Variants in AP1G1 observed in about 807,000 individuals in gnomAD.
AP1G1 encodes AP-1 complex subunit gamma-1.
In AP1G1, 7 loss-of-function variants were observed where a neutral mutation model predicts 108.3. That is an observed-to-expected ratio of 0.06 (90% CI 0.04 to 0.12). The LOEUF (loss-of-function observed/expected upper bound fraction) is 0.12, where lower values mean the gene tolerates loss of function less well. Among genes scored for constraint, AP1G1 ranks in the 10% least tolerant of loss-of-function variants. The pLI is 1.00. For synonymous variants in AP1G1, 379 were observed against 353.5 expected (o/e 1.07, Z -0.81); for missense variants, 756 against 1,010.7 (o/e 0.75, Z 3.42).
rs201999649 is a variant in AP1G1 at position 71,752,797 on chromosome 16, T to TA, written c.1284+1035dup. 6.7e-3 allele frequency among the ~76,000 whole-genome samples: 1,019 copies of TA among 152,296 alleles called. 15 individuals are homozygous for TA. The highest frequency in any genetic ancestry group is 0.022 in the African/African-American group (903 of 41,584). On this transcript the variant is annotated intron_variant, in intron 13 of 22. Coordinates refer to ENST00000299980, the MANE Select transcript of AP1G1 (RefSeq NM_001128.6). The stretch of plus-strand genomic sequence containing the variant: ...TTCTCTATTTTCTAACACTGGGAAT[T>TA]AGATTAAAAAATACGAAATGTGAAA...
intron 13 of AP1G1, among the ~76,000 whole-genome samples, chr16:71,750,653 T>A (rs1049539246): frequency 3.3e-5 from 5 of 151,894 alleles, no homozygotes; most frequent in African/African-American, 1.2e-4. Context: ...TGACCTCAGA[T>A]GATCCACCTG....
chr16:71,762,379 T>TGA (rs1160749584), intron 9 of AP1G1, among the ~76,000 whole-genome samples: 3 of 152,218 alleles, frequency 2.0e-5, no homozygotes, highest in Non-Finnish European at 4.4e-5. Context: ...ATTTCCTGTG[T>TGA]GACAGCATCT....
chr16:71,765,914 C>G (rs1027824157), intron 6 of AP1G1, among the ~76,000 whole-genome samples: 2 of 152,188 alleles, frequency 1.3e-5, no homozygotes, highest in Non-Finnish European at 2.9e-5. Context: ...ATTTCTAGTT[C>G]TGTAGAACTT....
At chr16:71,739,752 A>G (rs1325891453) in intron 19 of AP1G1, among the ~76,000 whole-genome samples, 1 of 151,850 alleles carries the variant, frequency 6.6e-6, no homozygotes, top group Non-Finnish European at 1.5e-5. Context: ...GTCGCAAAAA[A>G]AAAAAAAAAA....
intron 13 of AP1G1, chr16:71,753,618 A>C: frequency 1.8e-6 from 1 of 545,782 alleles, no homozygotes; most frequent in Non-Finnish European, 3.3e-6. Flanking sequence ...CTAATCTAAA[A>C]CACTTGGCCA....
At chr16:71,772,743 A>T (rs1320140778) in intron 4 of AP1G1, among the ~76,000 whole-genome samples, 1 of 152,190 alleles carries the variant, frequency 6.6e-6, no homozygotes, top group African/African-American at 2.4e-5. Flanking sequence ...AATTTTTAAA[A>T]ACTCAATAAA....
intron 2 of AP1G1, among the ~76,000 whole-genome samples, chr16:71,780,494 A>AT (rs1430339342): frequency 5.0e-5 from 6 of 120,100 alleles, no homozygotes; most frequent in South Asian, 3.6e-4. Flanking sequence ...CTGTCTCTTA[A>AT]TTTAAAAAAA....
intron 2 of AP1G1, among the ~76,000 whole-genome samples, chr16:71,785,672 C>CAGG (rs2032177010): frequency 6.7e-6 from 1 of 150,350 alleles, no homozygotes; most frequent in Admixed American, 6.6e-5. Flanking sequence ...ATCACGAGGT[C>CAGG]AGATCGAGAC....
intron 19 of AP1G1, among the ~76,000 whole-genome samples, chr16:71,744,822 T>C (rs561607823): frequency 6.6e-6 from 1 of 152,226 alleles, no homozygotes; most frequent in African/African-American, 2.4e-5. Flanking sequence ...GTGATCCACC[T>C]GCCTCTGCCT....
intron 13 of AP1G1, chr16:71,750,576 G>A (rs141546035): frequency 4.0e-4 from 145 of 363,804 alleles, no homozygotes; most frequent in African/African-American, 2.7e-3. Flanking sequence ...CACCACACCT[G>A]GCTAATTTTT....
At chr16:71,749,669 T>G (rs1404844040) in intron 15 of AP1G1, among the ~76,000 whole-genome samples, 1 of 152,104 alleles carries the variant, frequency 6.6e-6, no homozygotes, top group Non-Finnish European at 1.5e-5. Flanking sequence ...ATTTGTGTCT[T>G]TTGTAGAGAC....
At chr16:71,778,228 G>A (rs1175502171) in intron 2 of AP1G1, among the ~76,000 whole-genome samples, 1 of 152,154 alleles carries the variant, frequency 6.6e-6, no homozygotes, top group East Asian at 1.9e-4. Flanking sequence ...TCAAAAACAA[G>A]CATTTGCTTT....
rs1411144319 is a variant in AP1G1, at chr16:71,750,230, T to C, written c.1387A>G (p.Ile463Val). 9 of 1,613,830 alleles carry C rather than the reference T, an allele frequency of 5.6e-6. No individual in the cohort carries two copies. Among genetic ancestry groups the C allele is most frequent in the African/African-American group, 1.3e-5 (1 of 74,916 alleles). The part of the protein sequence containing the change: ...AYTVQRLYKA[I>V]LGDYSQQPLV... Reference sequence around the variant, plus strand: ...CTTACTTGAGAATAATCACCAAGAATTGCTTTGTACAGGCGCTGGACAGTA... The same window carrying C: ...CTTACTTGAGAATAATCACCAAGAACTGCTTTGTACAGGCGCTGGACAGTA... The change falls in exon 14 of 23, where the codon ATT becomes GTT. Residue 463 changes from isoleucine to valine, a missense_variant. Transcript: ENST00000299980.
chr16:71,808,615 T>C (rs911866350), intron 1 of AP1G1, 148 bp downstream of exon 1: 17 of 1,289,512 alleles, frequency 1.3e-5, no homozygotes, highest in Middle Eastern at 2.1e-4. Context: ...TCCCGGCCTC[T>C]CCTGGCCCAG....
chr16:71,757,988 G>A (rs1037544584), intron 11 of AP1G1, among the ~76,000 whole-genome samples: 2 of 152,162 alleles, frequency 1.3e-5, no homozygotes, highest in African/African-American at 4.8e-5. Flanking sequence ...CACTGAGAGG[G>A]TACTTATAAA....
chr16:71,756,263 G>A (rs8053186), intron 11 of AP1G1, 104 bp from the exon 12 acceptor site: 875,994 of 1,014,034 alleles, frequency 0.86, 379,552 homozygotes, highest in East Asian at 0.99. Flanking sequence ...CAGATGTGCT[G>A]ACGTCCTTGC....
chr16:71,759,567 T>A (rs930824268), intron 10 of AP1G1, among the ~76,000 whole-genome samples: 8 of 152,082 alleles, frequency 5.3e-5, no homozygotes, highest in African/African-American at 1.7e-4. Context: ...AAGACCACCC[T>A]GGCTACCATG....
At chr16:71,750,482 T>A in intron 13 of AP1G1, 150 bp from the exon 14 acceptor site, 1 of 844,602 alleles carries the variant, frequency 1.2e-6, no homozygotes, top group Non-Finnish European at 1.8e-6. Flanking sequence ...TAGCGCGATC[T>A]TGGCTCACTG....
intron 1 of AP1G1, chr16:71,808,189 A>G (rs1175654551): frequency 2.9e-6 from 3 of 1,049,594 alleles, no homozygotes; most frequent in Non-Finnish European, 3.4e-6. Context: ...AGGTAGGTTG[A>G]AAAAAACAAA....
Sources: gnomAD v4.1 joint callset for allele counts (sites outside exome capture counted in the v4.1 genomes callset) on GRCh38, gnomAD v4.1.1 for gene constraint, MANE v1.5 for transcripts, NCBI Gene and HGNC (gene_info 2026-07-23, HGNC 2026-07-21) for gene names.